The following ST8SIA1 variants were observed in gnomAD, a reference collection of about 807,000 sequenced individuals.
The protein encoded by ST8SIA1 is ST8 alpha-N-acetyl-neuraminide alpha-2,8-sialyltransferase 1.
Under a neutral mutation model 35.9 loss-of-function variants are expected in ST8SIA1, and 16 were observed. The ratio of observed to expected loss-of-function variants is 0.45; its 90% confidence interval spans 0.30 to 0.68. ST8SIA1 has a LOEUF of 0.68. Ranked by LOEUF, ST8SIA1 falls within the 30% of genes least tolerant of loss-of-function variation. The probability of loss-of-function intolerance (pLI) is 0.09; values close to 1 mark genes in which losing one functional copy is unlikely to be tolerated. For synonymous variants in ST8SIA1, 170 were observed against 169.6 expected, an observed-to-expected ratio of 1.00 and a Z score of -0.02; for missense variants, 383 against 453.6, an observed-to-expected ratio of 0.84 and a Z score of 1.41.
intron 1 of ST8SIA1, among the ~76,000 whole-genome samples, chr12:22,326,683 C>G (rs1173975471): frequency 2.6e-5 from 4 of 152,156 alleles, no homozygotes; most frequent in Non-Finnish European, 2.9e-5. Flanking sequence ...GTTATGGAGT[C>G]TACATTCTTT....
intron 1 of ST8SIA1, among the ~76,000 whole-genome samples, chr12:22,299,618 G>C (rs1015126022): frequency 2.0e-5 from 3 of 152,010 alleles, no homozygotes; most frequent in African/African-American, 7.2e-5. Flanking sequence ...AAATTATAAT[G>C]GTCTTTCTAG....
intron 4 of ST8SIA1, among the ~76,000 whole-genome samples, chr12:22,220,604 C>T (rs141392437): frequency 5.9e-5 from 9 of 152,260 alleles, no homozygotes; most frequent in East Asian, 3.9e-4. Flanking sequence ...TCCTCACTGA[C>T]GGCGGAAGAA....
intron 1 of ST8SIA1, among the ~76,000 whole-genome samples, chr12:22,329,113 G>C (rs4133369): frequency 0.31 from 47,267 of 151,996 alleles, 8,054 homozygotes; most frequent in Middle Eastern, 0.49. Flanking sequence ...AGAATAAAAA[G>C]AAAAACTGAT....
chr12:22,300,397 T>C (rs138570942), intron 1 of ST8SIA1, among the ~76,000 whole-genome samples: 2,206 of 152,260 alleles, frequency 0.014, 60 homozygotes, highest in African/African-American at 0.05. Context: ...AATTCCTCAG[T>C]AAATTAACCA....
intron 4 of ST8SIA1, among the ~76,000 whole-genome samples, chr12:22,217,730 A>G (rs1019723348): frequency 2.0e-5 from 3 of 152,220 alleles, no homozygotes; most frequent in African/African-American, 4.8e-5. Flanking sequence ...AGCTTTCATC[A>G]TCATCATCAC....
intron 1 of ST8SIA1, among the ~76,000 whole-genome samples, chr12:22,329,198 A>G (rs980733382): frequency 6.6e-6 from 1 of 152,210 alleles, no homozygotes; most frequent in Admixed American, 6.5e-5. Flanking sequence ...ATTTATCCCA[A>G]ATGAGCAGGG....
chr12:22,255,216 GC>G, intron 3 of ST8SIA1, 63 bp downstream of exon 3: 1 of 1,324,236 alleles, frequency 7.6e-7, no homozygotes, highest in Non-Finnish European at 1.1e-6. Context: ...AAGCCCCAGG[GC>G]TTATGGGAGG....
chr12:22,286,427 G>C (rs886583633), intron 2 of ST8SIA1: 8 of 518,330 alleles, frequency 1.5e-5, no homozygotes, highest in Non-Finnish European at 2.7e-5. Flanking sequence ...AGCAAACCAA[G>C]GGTGGCTAAA....
intron 4 of ST8SIA1, among the ~76,000 whole-genome samples, chr12:22,239,142 G>A (rs60576421): frequency 0.03 from 4,567 of 151,994 alleles, 191 homozygotes; most frequent in South Asian, 0.15. Flanking sequence ...GCTTTTATAA[G>A]CTTCTTATTA....
intron 4 of ST8SIA1, among the ~76,000 whole-genome samples, chr12:22,241,706 T>C (rs1267229648): frequency 1.3e-5 from 2 of 149,784 alleles, no homozygotes; most frequent in Non-Finnish European, 3.0e-5. Context: ...TGGACTAATA[T>C]AGAAGGATTC....
intron 4 of ST8SIA1, among the ~76,000 whole-genome samples, chr12:22,223,083 G>A (rs942198622): frequency 6.6e-6 from 1 of 152,096 alleles, no homozygotes; most frequent in Admixed American, 6.5e-5. Flanking sequence ...ACATGTGTTT[G>A]CTTGTTTTGA....
At chr12:22,331,805 C>T (rs1055231339) in intron 1 of ST8SIA1, among the ~76,000 whole-genome samples, 3 of 152,140 alleles carry the variant, frequency 2.0e-5, no homozygotes, top group African/African-American at 7.2e-5. Context: ...ATAATGTTTA[C>T]CTGTAAATCT....
Position 22,210,458 on chromosome 12 carries a change from TC to T in ST8SIA1, c.585-8421del, listed in dbSNP as rs143800415. On this transcript the variant is annotated intron_variant, in intron 4 of 4. Transcript: ENST00000396037. ...TTCTGTGACCTATATGTGGGTTTTTTCCCCCACACATCAAACAAGCAATCAG... is the reference window on the plus strand; with the variant it reads ...TTCTGTGACCTATATGTGGGTTTTTTCCCCACACATCAAACAAGCAATCAG... Among the ~76,000 whole-genome samples the T allele has an allele frequency of 2.6e-3, 390 of 152,174 alleles. 2 individuals are homozygous for T. The highest frequency in any genetic ancestry group is 8.8e-3 in the African/African-American group (366 of 41,510).
intron 2 of ST8SIA1, among the ~76,000 whole-genome samples, chr12:22,269,081 T>G (rs1014068965): frequency 6.6e-6 from 1 of 152,194 alleles, no homozygotes; most frequent in African/African-American, 2.4e-5. Flanking sequence ...GGCAGGGCCC[T>G]GGCAGACTTA....
chr12:22,212,443 T>C (rs993229231), intron 4 of ST8SIA1, among the ~76,000 whole-genome samples: 2 of 152,234 alleles, frequency 1.3e-5, no homozygotes, highest in African/African-American at 2.4e-5. Context: ...TCAATGAATG[T>C]TAATTTTATG....
intron 1 of ST8SIA1, among the ~76,000 whole-genome samples, chr12:22,296,057 G>A (rs1303311803): frequency 6.6e-6 from 1 of 152,092 alleles, no homozygotes; most frequent in Non-Finnish European, 1.5e-5. Context: ...GGTCTGTTTT[G>A]GGGGGCATAA....
intron 2 of ST8SIA1, among the ~76,000 whole-genome samples, chr12:22,270,160 T>C (rs59285841): frequency 2.0e-3 from 301 of 152,334 alleles, no homozygotes; most frequent in African/African-American, 6.8e-3. Flanking sequence ...TCAGTTTGAA[T>C]CTTGACTTGG....
intron 1 of ST8SIA1, among the ~76,000 whole-genome samples, chr12:22,312,749 T>C (rs554113840): frequency 3.3e-5 from 5 of 151,612 alleles, no homozygotes; most frequent in Admixed American, 2.6e-4. Context: ...GTAAAAATAA[T>C]TTGGTATTTA....
chr12:22,279,055 G>A (rs1866003650), intron 2 of ST8SIA1, among the ~76,000 whole-genome samples: 1 of 152,160 alleles, frequency 6.6e-6, no homozygotes, highest in African/African-American at 2.4e-5. Context: ...AGACATTGAA[G>A]ACAGTAAGAA....
Sources: allele counts gnomAD v4.1 joint callset (sites outside exome capture counted in the v4.1 genomes callset), GRCh38; gene constraint gnomAD v4.1.1; transcripts MANE v1.5; gene names NCBI Gene and HGNC (gene_info 2026-07-23, HGNC 2026-07-21).